The following BMPR2 variants were observed in gnomAD, a reference collection of about 807,000 sequenced individuals.
BMPR2 encodes bone morphogenetic protein receptor type 2.
A neutral mutation model predicts 100.8 loss-of-function variants in BMPR2; 29 were observed. The observed-to-expected ratio is 0.29, with a 90% CI of 0.21 to 0.39. The LOEUF is 0.39. BMPR2 is among the 10% of genes least tolerant of loss of function. The probability of loss-of-function intolerance (pLI) is 1.00; values close to 1 mark genes in which losing one functional copy is unlikely to be tolerated. For missense variants in BMPR2, 1,011 were observed against 1,274.5 expected, an observed-to-expected ratio of 0.79 and a Z score of 3.15; for synonymous variants, 382 against 442.3, an observed-to-expected ratio of 0.86 and a Z score of 1.71.
In BMPR2 at chr2:202,519,003, C is replaced by G. The variant is rs530455380; in HGVS notation, c.803C>G (p.Thr268Ser). 8.1e-6 allele frequency: 13 copies of G among 1,614,148 alleles called. No homozygotes were observed. In the Admixed American group the frequency reaches 2.2e-4, roughly 27 times the overall value. ...TTTATAGTTGGAGATGAGAGAGTCA[C>G]TGCAGATGGACGCATGGAATATTTG... Reference protein sequence around the residue: ...ARFIVGDERVTADGRMEYLLV... With the variant: ...ARFIVGDERVSADGRMEYLLV... The change falls in exon 6 of 13, where the codon ACT becomes AGT. Residue 268 changes from threonine to serine, a missense_variant. Around this residue, in one of 6 missense-constraint regions of BMPR2, gnomAD observed 355 missense variants for 455.3 expected, o/e 0.78. Coordinates refer to ENST00000374580, the MANE Select transcript of BMPR2 (RefSeq NM_001204.7).
chr2:202,553,438 T>C (rs1377013614), intron 11 of BMPR2, among the ~76,000 whole-genome samples: 4 of 152,288 alleles, frequency 2.6e-5, no homozygotes, highest in Non-Finnish European at 5.9e-5. Context: ...ACATTTTCTT[T>C]GTTAGAACTA....
rs897991579 is a variant in BMPR2, at chr2:202,564,034, C to A, written c.*4088C>A. On this transcript the variant is annotated 3_prime_UTR_variant, in exon 13 of 13. Coordinates refer to ENST00000374580, the MANE Select transcript of BMPR2 (RefSeq NM_001204.7). Reference sequence around the variant, plus strand: ...GTGTGGGCTTCAGTGGGAATTATCACAAAACATTGGCAAGTATTTTTATTT... The same window carrying A: ...GTGTGGGCTTCAGTGGGAATTATCAAAAAACATTGGCAAGTATTTTTATTT... 6.6e-6 allele frequency: 1 copy of A among 152,088 alleles called. No individual in the cohort carries two copies. The highest frequency in any genetic ancestry group is 2.4e-5 in the African/African-American group (1 of 41,394). 9.4% of individuals were successfully genotyped at this position (152,088 alleles called of 1,614,324 possible). A position where few individuals can be genotyped will look rare whatever the true frequency, so the allele number is the denominator to read the frequency against.
At chr2:202,539,394 C>G (rs1007689419) in intron 9 of BMPR2, among the ~76,000 whole-genome samples, 1 of 151,900 alleles carries the variant, frequency 6.6e-6, no homozygotes, top group Non-Finnish European at 1.5e-5. Context: ...ATTTAAAAAG[C>G]ACAGTCAAGG....
chr2:202,555,198 A>T, intron 11 of BMPR2, 54 bp from the exon 12 acceptor site: 1 of 1,493,932 alleles, frequency 6.7e-7, no homozygotes, highest in Non-Finnish European at 9.3e-7. Flanking sequence ...ATTTGGAGAG[A>T]CAGTTTGTCA....
intron 7 of BMPR2, among the ~76,000 whole-genome samples, chr2:202,527,756 G>C (rs57267144): frequency 0.34 from 49,179 of 143,718 alleles, 8,690 homozygotes; most frequent in African/African-American, 0.49. Flanking sequence ...CACTGCAGTC[G>C]GCAGTCCGGC....
At position 202,393,890 on chromosome 2, in the gene BMPR2, A is replaced by C. The variant is rs1204964579; in HGVS notation, c.76+16340A>C. Among the ~76,000 whole-genome samples the C allele has an allele frequency of 2.6e-3, 179 of 69,336 alleles. 1 individual carries two copies. The highest frequency in any genetic ancestry group is 0.014 in the African/African-American group (163 of 11,804). 45.5% of individuals were successfully genotyped at this position (69,336 alleles called of 152,430 possible). A position where few individuals can be genotyped will look rare whatever the true frequency, so the allele number is the denominator to read the frequency against. On this transcript the variant is annotated intron_variant, in intron 1 of 12. Transcript: ENST00000374580. ...TTAAGGTAATGAGAGAGCGAGAGAG[A>C]GAGAGAGAGAGAGAGAGAGAGAGAG...
rs1443583884 is a variant in BMPR2, at chr2:202,561,181, T to C, written c.*1235T>C. The C allele has an allele frequency of 6.6e-6, 1 of 152,166 alleles. No homozygotes were observed. The highest frequency in any genetic ancestry group is 2.4e-5 in the African/African-American group (1 of 41,448). 9.4% of individuals were successfully genotyped at this position (152,166 alleles called of 1,614,324 possible). Reference sequence around the variant, plus strand: ...AAAATCATTCAAGTGGCATGCCAAGTCCCTATGAAGGAAGGGCTGCTATCA... The same window carrying C: ...AAAATCATTCAAGTGGCATGCCAAGCCCCTATGAAGGAAGGGCTGCTATCA... On this transcript the variant is annotated 3_prime_UTR_variant, in exon 13 of 13. Transcript: ENST00000374580.
At chr2:202,551,666 G>C (rs1688480144) in intron 10 of BMPR2, among the ~76,000 whole-genome samples, 1 of 152,126 alleles carries the variant, frequency 6.6e-6, no homozygotes, top group South Asian at 2.1e-4. Context: ...TTAAAGAAGA[G>C]ATGTCTGTAA....
At chr2:202,524,758 T>G (rs1470189370) in intron 7 of BMPR2, among the ~76,000 whole-genome samples, 1 of 151,912 alleles carries the variant, frequency 6.6e-6, no homozygotes, top group Non-Finnish European at 1.5e-5. Context: ...TAAGGCTAGG[T>G]GCGGTGGCTC....
In BMPR2 at chr2:202,565,463, T is replaced by C. The variant is rs1245930066; in HGVS notation, c.*5517T>C. ...TTCTATTTGAAAGTGGATTCAACCA[T>C]CAGACCACCAGCAAATCGGCACTTA... On this transcript the variant is annotated 3_prime_UTR_variant, in exon 13 of 13. Coordinates refer to ENST00000374580, the MANE Select transcript of BMPR2 (RefSeq NM_001204.7). The C allele has an allele frequency of 6.6e-6, 1 of 152,558 alleles. No individual in the cohort carries two copies. The highest frequency in any genetic ancestry group is 1.5e-5 in the Non-Finnish European group (1 of 68,012). The allele number at this position is 152,558 out of a possible 1,614,324, so 9.5% of individuals were successfully genotyped here. A position where few individuals can be genotyped will look rare whatever the true frequency, so the allele number is the denominator to read the frequency against.
intron 9 of BMPR2, among the ~76,000 whole-genome samples, chr2:202,541,493 T>C (rs1326918933): frequency 1.3e-5 from 2 of 152,190 alleles, no homozygotes; most frequent in African/African-American, 4.8e-5. Context: ...TAAATATTTT[T>C]GTAACATTTG....
chr2:202,451,861 T>C (rs1311972472), intron 1 of BMPR2, among the ~76,000 whole-genome samples: 1 of 152,008 alleles, frequency 6.6e-6, no homozygotes, highest in East Asian at 2.0e-4. Flanking sequence ...GCGATTCTCC[T>C]GTCTCAGCCT....
chr2:202,416,325 C>T (rs1185334796), intron 1 of BMPR2, among the ~76,000 whole-genome samples: 3 of 150,712 alleles, frequency 2.0e-5, no homozygotes, highest in Non-Finnish European at 3.0e-5. Context: ...AGTGCAATGG[C>T]GTGGTCACAG....
chr2:202,529,517 C>A (rs1357647783), intron 7 of BMPR2, among the ~76,000 whole-genome samples: 11 of 152,142 alleles, frequency 7.2e-5, no homozygotes, highest in Admixed American at 7.2e-4. Flanking sequence ...GATTGTACGA[C>A]ATATATTTAT....
At chr2:202,530,489 C>T (rs1164888424) in intron 7 of BMPR2, among the ~76,000 whole-genome samples, 2 of 151,732 alleles carry the variant, frequency 1.3e-5, no homozygotes, top group Non-Finnish European at 2.9e-5. Flanking sequence ...ATATTCCTTT[C>T]TGTATTGCCT....
In BMPR2 at chr2:202,440,296, G is replaced by A. The variant is rs533137924; in HGVS notation, c.77-24513G>A. On this transcript the variant is annotated intron_variant, in intron 1 of 12. Transcript: ENST00000374580. ...CTCCTCACCTCCCAGACGGGGTGGT[G>A]GTAGGGCAGACACACTCCTCAGTTC... Among the ~76,000 whole-genome samples the A allele has an allele frequency of 6.9e-4, 103 of 149,038 alleles. 7 individuals carry two copies. Among genetic ancestry groups the A allele is most frequent in the African/African-American group, 2.4e-3 (93 of 39,076 alleles).
At chr2:202,435,760 G>A (rs1429592711) in intron 1 of BMPR2, among the ~76,000 whole-genome samples, 8 of 150,072 alleles carry the variant, frequency 5.3e-5, no homozygotes, top group Admixed American at 5.3e-4. Context: ...TACTTTTTCT[G>A]TGTTTAGATA....
chr2:202,421,822 T>C lies in BMPR2; in HGVS notation c.77-42987T>C, dbSNP rs535152410. The stretch of plus-strand genomic sequence containing the variant: ...GGGAACTTTTGATTTTCTTTTTTAA[T>C]GTGGGATGGGTTGAGCAGGAGTACT... On this transcript the variant is annotated intron_variant, in intron 1 of 12. Transcript: ENST00000374580. Among the ~76,000 whole-genome samples the C allele has an allele frequency of 2.0e-5, 3 of 152,130 alleles. No homozygotes were observed. The South Asian group carries it at 6.2e-4, about 32-fold the overall frequency.
rs1044191361 is a variant in BMPR2 at position 202,384,887 on chromosome 2, C to T, written c.76+7337C>T. 3.3e-5 allele frequency among the ~76,000 whole-genome samples: 5 copies of T among 152,114 alleles called. 1 individual carries two copies. Among genetic ancestry groups the T allele is most frequent in the African/African-American group, 1.2e-4 (5 of 41,406 alleles). ...GGATTACAGACGTGAGCCACCGCAC[C>T]TGGCCAAGAAATTTCAGTTTCTTAA... On this transcript the variant is annotated intron_variant, in intron 1 of 12. Coordinates refer to ENST00000374580, the MANE Select transcript of BMPR2 (RefSeq NM_001204.7).
Sources: allele counts gnomAD v4.1 joint callset (sites outside exome capture counted in the v4.1 genomes callset), GRCh38; gene constraint gnomAD v4.1.1; regional missense constraint gnomAD v4.1.1; transcripts MANE v1.5; gene names NCBI Gene and HGNC (gene_info 2026-07-23, HGNC 2026-07-21).